Variants in IGSF3 observed in about 807,000 individuals in gnomAD.
IGSF3 encodes the protein glu-Trp-Ile EWI motif-containing protein 3.
IGSF3 carries 23 observed loss-of-function variants against 114.4 expected under a neutral mutation model. The ratio of observed to expected loss-of-function variants is 0.20; its 90% CI spans 0.14 to 0.28. The LOEUF (loss-of-function observed/expected upper bound fraction) is 0.28. IGSF3 is among the 10% of genes least tolerant of loss of function. The pLI is 1.00. For synonymous variants in IGSF3, 571 were observed against 645.2 expected (o/e 0.88, Z 1.74); for missense variants, 1,172 against 1,591.5 (o/e 0.74, Z 4.48).
chr1:116,652,032 C>T (rs1482021079), intron 2 of IGSF3, among the ~76,000 whole-genome samples: 1 of 152,158 alleles, frequency 6.6e-6, no homozygotes, highest in African/African-American at 2.4e-5. Context: ...GCTATGGAAG[C>T]ATTTGGCAGA....
Position 116,651,864 on chromosome 1 carries a change from C to T in IGSF3, c.43+14420G>A, listed in dbSNP as rs906204406. 8.5e-5 allele frequency among the ~76,000 whole-genome samples: 13 copies of T among 152,102 alleles called. No homozygotes were observed. The highest frequency in any genetic ancestry group is 8.5e-4 in the Admixed American group (13 of 15,268). Reference sequence around the variant, plus strand: ...TCAGGATTGTAATTAATTATAAATGCATTTATTTGTTTACTGCCTGACTTC... The same window carrying T: ...TCAGGATTGTAATTAATTATAAATGTATTTATTTGTTTACTGCCTGACTTC... On this transcript the variant is annotated intron_variant, in intron 2 of 10. Transcript: ENST00000369486. The surrounding 1 kb of genome is among the most constrained non-coding windows in gnomAD (Gnocchi z 4.4).
In IGSF3 at chr1:116,651,270, C is replaced by T. The variant is rs534769354; in HGVS notation, c.43+15014G>A. On this transcript the variant is annotated intron_variant, in intron 2 of 10. Transcript: ENST00000369486. This position sits in a 1 kb window ranked among gnomAD's most constrained non-coding sequence, Gnocchi z 4.4. ...CTTTCCTGCCTCTTTCTTCTTCAGG[C>T]CAAATGGCTCCTATCCCTGCCTTCC... 7.9e-5 allele frequency among the ~76,000 whole-genome samples: 12 copies of T among 152,336 alleles called. No individual in the cohort carries two copies. The South Asian group carries it at 1.4e-3, about 18-fold the overall frequency.
In IGSF3 at chr1:116,644,916, G is replaced by A. The variant is rs1239990004; in HGVS notation, c.43+21368C>T. ...AAAGTACCCGGTCCCCTTCATACAT[G>A]GCTGGTGGGGAGGTAGGATGGTGCA... is the stretch of plus-strand genomic sequence containing the variant. On this transcript the variant is annotated intron_variant, in intron 2 of 10. Coordinates refer to ENST00000369486, the MANE Select transcript of IGSF3 (RefSeq NM_001007237.3). The surrounding 1 kb of genome is among the most constrained non-coding windows in gnomAD (Gnocchi z 5.6). Among the ~76,000 whole-genome samples, 1 of 152,196 alleles carries A rather than the reference G, an allele frequency of 6.6e-6. No homozygotes were observed. The highest frequency in any genetic ancestry group is 1.9e-4 in the East Asian group (1 of 5,198).
In IGSF3 at chr1:116,625,224, A is replaced by G. The variant is rs957810797; in HGVS notation, c.44-8767T>C. On this transcript the variant is annotated intron_variant, in intron 2 of 10. Transcript: ENST00000369486. The surrounding 1 kb of genome is among the most constrained non-coding windows in gnomAD (Gnocchi z 4.7). ...ATAGTTGACAAGTTGTCCTAAGCTG[A>G]CAATCCTAAAATAAATACACATAAC... Among the ~76,000 whole-genome samples, 39 of 152,248 alleles carry G rather than the reference A, an allele frequency of 2.6e-4. No homozygotes were observed. Among genetic ancestry groups the G allele is most frequent in the Non-Finnish European group, 7.3e-5 (5 of 68,046 alleles).
rs151078986 is a variant in IGSF3, at chr1:116,665,615, C to T, written c.43+669G>A. ...CTCTCAGGGCCATAGTTTCTTCTTC[C>T]CACTCTAGGCATTCTGATTTGTGGG... On this transcript the variant is annotated intron_variant, in intron 2 of 10. Transcript: ENST00000369486. The surrounding 1 kb of genome is among the most constrained non-coding windows in gnomAD (Gnocchi z 4.0). Among the ~76,000 whole-genome samples the T allele has an allele frequency of 6.6e-6, 1 of 152,232 alleles. No individual in the cohort carries two copies. The highest frequency in any genetic ancestry group is 2.4e-5 in the African/African-American group (1 of 41,512).
Position 116,630,457 on chromosome 1 carries a change from T to C in IGSF3, c.44-14000A>G, listed in dbSNP as rs182264563. ...TCTTACTTTAATCTCACAGCCACCC[T>C]GTGAGGGAAGTGTACATTCCCCATT... On this transcript the variant is annotated intron_variant, in intron 2 of 10. Coordinates refer to ENST00000369486, the MANE Select transcript of IGSF3 (RefSeq NM_001007237.3). 1.7e-3 allele frequency among the ~76,000 whole-genome samples: 263 copies of C among 152,364 alleles called. 1 individual carries two copies. Among genetic ancestry groups the C allele is most frequent in the African/African-American group, 5.7e-3 (237 of 41,580 alleles).
intron 2 of IGSF3, among the ~76,000 whole-genome samples, chr1:116,631,250 G>A (rs1191253990): frequency 1.7e-4 from 25 of 150,108 alleles, no homozygotes; most frequent in Non-Finnish European, 3.0e-4. Flanking sequence ...CCCAGGAGGC[G>A]GAGCTTGCAG....
intron 2 of IGSF3, among the ~76,000 whole-genome samples, chr1:116,643,430 C>CCGACAGT (rs1374130724): frequency 6.6e-6 from 1 of 152,270 alleles, no homozygotes; most frequent in African/African-American, 2.4e-5. Flanking sequence ...ACTCACTCCT[C>CCGACAGT]CGACAGTCGT....
In IGSF3 at chr1:116,579,844, T is replaced by C. The variant is rs138319827; in HGVS notation, c.2882A>G (p.Asn961Ser). The C allele has an allele frequency of 1.5e-4, 241 of 1,611,330 alleles. No individual in the cohort carries two copies. The highest frequency in any genetic ancestry group is 1.9e-4 in the Non-Finnish European group (226 of 1,179,718). The change falls in exon 10 of 11, where the codon AAT becomes AGT. Residue 961 changes from asparagine (N) to serine (S), a missense_variant. Physicochemically the swap from Asn to Ser is conservative, Grantham distance 46. This residue lies in a region of IGSF3 where 423 missense variants were observed against 509.8 expected (regional missense o/e 0.83). Transcript: ENST00000369486. This position sits in a 1 kb window ranked among gnomAD's most constrained non-coding sequence, Gnocchi z 6.4. Reference protein sequence around the residue: ...ASLQVDTVVPNATVSEKAAFQ... With the variant: ...ASLQVDTVVPSATVSEKAAFQ... Reference sequence around the variant, plus strand: ...AGCTGCCTTCTCAGAGACCGTGGCATTGGGGACCACTGTGTCCACCTGCAG... The same window carrying C: ...AGCTGCCTTCTCAGAGACCGTGGCACTGGGGACCACTGTGTCCACCTGCAG...
At position 116,578,086 on chromosome 1, in the gene IGSF3, A is replaced by G. The variant is rs951587613; in HGVS notation, c.3335-524T>C. 2.6e-5 allele frequency among the ~76,000 whole-genome samples: 4 copies of G among 152,344 alleles called. No homozygotes were observed. The South Asian group carries it at 8.3e-4, about 32-fold the overall frequency. On this transcript the variant is annotated intron_variant, in intron 10 of 10. Coordinates refer to ENST00000369486, the MANE Select transcript of IGSF3 (RefSeq NM_001007237.3). ...TTATGGACCACTTACAAACGTCCACAGTGTGTCCGTGGCCACAAAGAACAC... is the reference window on the plus strand; with the variant it reads ...TTATGGACCACTTACAAACGTCCACGGTGTGTCCGTGGCCACAAAGAACAC...
At position 116,579,515 on chromosome 1, in the gene IGSF3, T is replaced by C. The variant is rs1220894757; in HGVS notation, c.3211A>G (p.Ser1071Gly). Residue 1071 changes from serine to glycine, a missense_variant, in exon 10 of 11, where the codon AGC becomes GGC. By Grantham distance (56) the Ser-to-Gly change is moderately conservative. Coordinates refer to ENST00000369486, the MANE Select transcript of IGSF3 (RefSeq NM_001007237.3). This position sits in a 1 kb window ranked among gnomAD's most constrained non-coding sequence, Gnocchi z 6.4. ...GAGTAATTGCCTGTATCTTGGGGGC[T>C]TGCCTGCAGCACTGTGAGCCGGTAG... The part of the protein sequence containing the change: ...VLYRLTVLQA[S>G]PQDTGNYSCH... 6.2e-7 allele frequency: 1 copy of C among 1,614,100 alleles called. No homozygotes were observed. The highest frequency in any genetic ancestry group is 1.7e-5 in the Admixed American group (1 of 60,018).
At chr1:116,601,771 T>C (rs375018849) in intron 6 of IGSF3, among the ~76,000 whole-genome samples, 9 of 152,336 alleles carry the variant, frequency 5.9e-5, no homozygotes, top group East Asian at 1.9e-4. Context: ...TCCTTAAACA[T>C]GAAGCGCCTG....
chr1:116,609,661 G>C (rs1660937024), intron 4 of IGSF3, among the ~76,000 whole-genome samples: 1 of 152,080 alleles, frequency 6.6e-6, no homozygotes, highest in African/African-American at 2.4e-5. Flanking sequence ...CCATGGCAGA[G>C]ACGTTTGAAT....
intron 2 of IGSF3, among the ~76,000 whole-genome samples, chr1:116,621,940 G>A (rs1661433576): frequency 6.6e-6 from 1 of 152,274 alleles, no homozygotes; most frequent in Non-Finnish European, 1.5e-5. Flanking sequence ...ACCTGGCTAG[G>A]GGCAGGAGGT....
chr1:116,645,075 T>C (rs1327528332), intron 2 of IGSF3, among the ~76,000 whole-genome samples: 2 of 152,190 alleles, frequency 1.3e-5, no homozygotes, highest in Non-Finnish European at 2.9e-5. Flanking sequence ...AATAGCTGTA[T>C]TCATAGTAGC....
intron 2 of IGSF3, chr1:116,617,372 G>A (rs1661261716): frequency 1.0e-6 from 1 of 985,414 alleles, no homozygotes; most frequent in Non-Finnish European, 1.2e-6. Flanking sequence ...CAGAAGGCGG[G>A]AGGGGGCACA....
Position 116,577,561 on chromosome 1 carries a change from A to T in IGSF3, c.3336T>A (p.Ser1112Arg). 1 of 1,613,644 alleles carries T rather than the reference A, an allele frequency of 6.2e-7. No individual in the cohort carries two copies. The highest frequency in any genetic ancestry group is 8.5e-7 in the Non-Finnish European group (1 of 1,179,788). Residue 1112 changes from serine (S) to arginine (R), a missense_variant and splice_region_variant, in exon 11 of 11, where the codon AGT becomes AGA. Ser to Arg is a moderately radical substitution (Grantham distance 110). This residue lies in a region of IGSF3 where 423 missense variants were observed against 509.8 expected (regional missense o/e 0.83). Coordinates refer to ENST00000369486, the MANE Select transcript of IGSF3 (RefSeq NM_001007237.3). The surrounding 1 kb of genome is among the most constrained non-coding windows in gnomAD (Gnocchi z 5.7). ...AGCAGATGATGGACTGGAGGGTGGG[A>T]CCTGAAAAGAATCATGAGAGAGACA... ...APIGIRVLDT[S>R]PTLQSIICSN...
At position 116,595,089 on chromosome 1, in the gene IGSF3, G is replaced by C. The variant is rs1660287660; in HGVS notation, c.2029+4852C>G. ...ACTTAGTAGGTGCTCAATGCATGCA[G>C]AGAGACAGGGAGGGAGGGGCAAGGG... On this transcript the variant is annotated intron_variant, in intron 7 of 10. Coordinates refer to ENST00000369486, the MANE Select transcript of IGSF3 (RefSeq NM_001007237.3). This position sits in a 1 kb window ranked among gnomAD's most constrained non-coding sequence, Gnocchi z 4.2. 6.6e-6 allele frequency among the ~76,000 whole-genome samples: 1 copy of C among 152,136 alleles called. No individual in the cohort carries two copies. The highest frequency in any genetic ancestry group is 2.4e-5 in the African/African-American group (1 of 41,436).
rs1354277785 is a variant in IGSF3 at position 116,577,596 on chromosome 1, G to A, written c.3335-34C>T. ...AATCATGAGAGAGACAAGACAATGA[G>A]GGCTGAGAACCTGGACTGCTCACAT... On this transcript the variant is annotated intron_variant, in intron 10 of 10. Transcript: ENST00000369486. The surrounding 1 kb of genome is among the most constrained non-coding windows in gnomAD (Gnocchi z 5.7). 1.9e-6 allele frequency: 3 copies of A among 1,608,366 alleles called. No individual in the cohort carries two copies. Among genetic ancestry groups the A allele is most frequent in the Non-Finnish European group, 2.5e-6 (3 of 1,177,226 alleles).
Sources: gnomAD v4.1 joint callset for allele counts (sites outside exome capture counted in the v4.1 genomes callset) on GRCh38, gnomAD v4.1.1 for gene constraint, gnomAD v4.1.1 regional missense constraint, Gnocchi (gnomAD v3.1) non-coding constraint, MANE v1.5 for transcripts, NCBI Gene and HGNC (gene_info 2026-07-23, HGNC 2026-07-21) for gene names.